The following TNRC6B variants were observed in gnomAD, a reference collection of about 807,000 sequenced individuals.
TNRC6B encodes trinucleotide repeat containing adaptor 6B.
A neutral mutation model predicts 203.6 loss-of-function variants in TNRC6B; 52 were observed. That is an observed-to-expected ratio of 0.26 (90% CI 0.20 to 0.32). The LOEUF (loss-of-function observed/expected upper bound fraction) is 0.32, where lower values mean the gene tolerates loss of function less well. Among genes scored for constraint, TNRC6B ranks in the 10% least tolerant of loss-of-function variants. The pLI is 1.00. For missense variants in TNRC6B, 1,923 were observed against 2,286.2 expected (o/e 0.84, Z 3.24); for synonymous variants, 838 against 845.7 (o/e 0.99, Z 0.16).
chr22:40,315,390 A>G lies in TNRC6B; in HGVS notation c.4786A>G (p.Thr1596Ala). Reference protein sequence around the residue: ...WKNHISSRNTTPLPRPPPGLT... With the variant: ...WKNHISSRNTAPLPRPPPGLT... ...AAACCATATTTCCTCCAGGAACACT[A>G]CACCGCTGCCCCGCCCACCTCCTGG... The change falls in exon 20 of 23, where the codon ACA (threonine) becomes GCA (alanine). Residue 1596 changes from threonine (T) to alanine (A), a missense_variant. Coordinates refer to ENST00000454349, the MANE Select transcript of TNRC6B (RefSeq NM_001162501.2). 2 of 1,613,960 alleles carry G rather than the reference A, an allele frequency of 1.2e-6. No individual in the cohort carries two copies. The highest frequency in any genetic ancestry group is 1.7e-6 in the Non-Finnish European group (2 of 1,179,890).
intron 1 of TNRC6B, among the ~76,000 whole-genome samples, chr22:40,244,059 G>C (rs1361636758): frequency 6.6e-6 from 1 of 152,006 alleles, no homozygotes; most frequent in Non-Finnish European, 1.5e-5. Context: ...TGGAAGCCAA[G>C]TTACAGCAAC....
At position 40,332,500 on chromosome 22, in the gene TNRC6B, G is replaced by A. The variant is rs889512925; in HGVS notation, c.*9259G>A. The A allele has an allele frequency of 2.0e-5, 3 of 152,668 alleles. No homozygotes were observed. The highest frequency in any genetic ancestry group is 4.8e-5 in the African/African-American group (2 of 41,532). The allele number at this position is 152,668 out of a possible 1,614,324, so 9.5% of individuals were successfully genotyped here. On this transcript the variant is annotated 3_prime_UTR_variant, in exon 23 of 23. Transcript: ENST00000454349. ...ATTTGCAACACACAGTATCGTAAGC[G>A]AGAGATTGTTCTGCCTATATTCAGT...
At chr22:40,227,848 A>G (rs1303557966) in intron 1 of TNRC6B, among the ~76,000 whole-genome samples, 1 of 152,182 alleles carries the variant, frequency 6.6e-6, no homozygotes, top group East Asian at 1.9e-4. Flanking sequence ...GAGCTGTCCC[A>G]CCAGTTACTG....
chr22:40,187,549 T>C (rs952550768), intron 1 of TNRC6B, among the ~76,000 whole-genome samples: 1 of 152,098 alleles, frequency 6.6e-6, no homozygotes, highest in Non-Finnish European at 1.5e-5. Context: ...TGTTACTGTT[T>C]GTGAGTTTCT....
chr22:40,189,584 A>G (rs1168457298), intron 1 of TNRC6B, among the ~76,000 whole-genome samples: 1 of 151,812 alleles, frequency 6.6e-6, no homozygotes, highest in African/African-American at 2.4e-5. Context: ...TAACGTCTTT[A>G]GGGTGGGAAT....
At chr22:40,095,459 C>A (rs2068180048) in intron 1 of TNRC6B, among the ~76,000 whole-genome samples, 1 of 152,086 alleles carries the variant, frequency 6.6e-6, no homozygotes, top group Non-Finnish European at 1.5e-5. Flanking sequence ...CACCTCTCTT[C>A]TTAAGAAAAG....
intron 1 of TNRC6B, among the ~76,000 whole-genome samples, chr22:40,215,220 T>C (rs867799229): frequency 6.6e-6 from 1 of 152,228 alleles, no homozygotes; most frequent in Non-Finnish European, 1.5e-5. Context: ...CCGATACATA[T>C]GATTAGTGAG....
chr22:40,127,608 A>G (rs1196705673), intron 3 of TNRC6B, among the ~76,000 whole-genome samples: 1 of 152,226 alleles, frequency 6.6e-6, no homozygotes, highest in African/African-American at 2.4e-5. Flanking sequence ...ATTGGGGCTC[A>G]TGCCTGCAAT....
chr22:40,238,409 A>G (rs2146459852), intron 1 of TNRC6B, among the ~76,000 whole-genome samples: 1 of 152,206 alleles, frequency 6.6e-6, no homozygotes, highest in South Asian at 2.1e-4. Flanking sequence ...TTCCTTATTC[A>G]ATTACCAGAA....
chr22:40,186,555 T>C (rs972708520), intron 1 of TNRC6B, among the ~76,000 whole-genome samples: 1 of 151,698 alleles, frequency 6.6e-6, no homozygotes, highest in African/African-American at 2.4e-5. Flanking sequence ...CTGGCCAACA[T>C]GGTGAAACCC....
At position 40,264,590 on chromosome 22, in the gene TNRC6B, C is replaced by G. The variant is rs550234544; in HGVS notation, c.458-98C>G. ...TTGAGAGAAACTGGCATGTGATCAG[C>G]TCTCCTAAGGGCAGAGCTCAAAGGA... On this transcript the variant is annotated intron_variant, in intron 4 of 22. Transcript: ENST00000454349. 5.3e-6 allele frequency: 7 copies of G among 1,325,758 alleles called. No individual in the cohort carries two copies. In the African/African-American group the frequency reaches 1.0e-4, roughly 20 times the overall value. 82.1% of individuals were successfully genotyped at this position (1,325,758 alleles called of 1,614,324 possible).
At chr22:40,052,293 T>C (rs1389071699) in intron 1 of TNRC6B, among the ~76,000 whole-genome samples, 2 of 152,182 alleles carry the variant, frequency 1.3e-5, no homozygotes, top group African/African-American at 4.8e-5. Context: ...CAATTTGCGT[T>C]ATAATCAGAG....
intron 1 of TNRC6B, among the ~76,000 whole-genome samples, chr22:40,062,266 T>G (rs2067859825): frequency 6.6e-6 from 1 of 152,184 alleles, no homozygotes; most frequent in Non-Finnish European, 1.5e-5. Flanking sequence ...AGTGGCGTGA[T>G]CTGGGCTCAC....
In TNRC6B at chr22:40,231,983, T is replaced by C. The variant is rs192100562; in HGVS notation, c.6-14032T>C. 2.0e-5 allele frequency among the ~76,000 whole-genome samples: 3 copies of C among 152,322 alleles called. No homozygotes were observed. The East Asian group carries it at 5.8e-4, about 29-fold the overall frequency. On this transcript the variant is annotated intron_variant, in intron 1 of 22. Transcript: ENST00000454349. Reference sequence around the variant, plus strand: ...AGCTAACCTGGAACCCTACAGGGAATGGGATTCTGGAAAATATAGTTCCAG... The same window carrying C: ...AGCTAACCTGGAACCCTACAGGGAACGGGATTCTGGAAAATATAGTTCCAG...
chr22:40,105,599 A>G (rs1601818012), intron 1 of TNRC6B, among the ~76,000 whole-genome samples: 1 of 152,118 alleles, frequency 6.6e-6, no homozygotes, highest in African/African-American at 2.4e-5. Flanking sequence ...TGCGAGATTC[A>G]TCCATGTTGT....
chr22:40,189,952 C>T (rs1405479275), intron 1 of TNRC6B, among the ~76,000 whole-genome samples: 1 of 151,904 alleles, frequency 6.6e-6, no homozygotes. Flanking sequence ...GAATAAGAGC[C>T]GTCTCATTAA....
chr22:40,117,637 C>T (rs2068401939), intron 2 of TNRC6B, among the ~76,000 whole-genome samples: 1 of 152,050 alleles, frequency 6.6e-6, no homozygotes, highest in East Asian at 1.9e-4. Flanking sequence ...ATTTTCTTTT[C>T]CCTAGATATA....
intron 3 of TNRC6B, among the ~76,000 whole-genome samples, chr22:40,146,659 TAGC>T (rs2068698226): frequency 1.4e-5 from 2 of 143,156 alleles, no homozygotes; most frequent in African/African-American, 5.2e-5. Flanking sequence ...CTCCTCCCCC[TAGC>T]AGTTCTCCTA....
At chr22:40,218,736 G>A (rs1179607262) in intron 1 of TNRC6B, among the ~76,000 whole-genome samples, 1 of 152,140 alleles carries the variant, frequency 6.6e-6, no homozygotes, top group Non-Finnish European at 1.5e-5. Context: ...AGCATGGGCG[G>A]CACAAGATGA....
Sources: gnomAD v4.1 joint callset for allele counts (sites outside exome capture counted in the v4.1 genomes callset) on GRCh38, gnomAD v4.1.1 for gene constraint, MANE v1.5 for transcripts, NCBI Gene and HGNC (gene_info 2026-07-23, HGNC 2026-07-21) for gene names.